The following CDH12 variants were observed in gnomAD, a reference collection of about 807,000 sequenced individuals.
CDH12 encodes cadherin 12.
Under a neutral mutation model 74.1 loss-of-function variants are expected in CDH12, and 41 were observed. That is an observed-to-expected ratio of 0.55 (90% confidence interval 0.43 to 0.72). The LOEUF is 0.72. CDH12 is among the 30% of genes least tolerant of loss of function. The pLI is 0.00. For missense variants in CDH12, 945 were observed against 977.2 expected (o/e 0.97, Z 0.44); for synonymous variants, 399 against 355.0 (o/e 1.12, Z -1.39).
intron 1 of CDH12, among the ~76,000 whole-genome samples, chr5:22,779,249 G>T (rs1747266494): frequency 6.6e-6 from 1 of 152,062 alleles, no homozygotes; most frequent in South Asian, 2.1e-4. Flanking sequence ...TGCAGAAATG[G>T]CTGCCTTCAA....
intron 3 of CDH12, among the ~76,000 whole-genome samples, chr5:22,223,658 C>A (rs1752091731): frequency 6.6e-6 from 1 of 151,948 alleles, no homozygotes; most frequent in South Asian, 2.1e-4. Context: ...GTAGGATTGG[C>A]CCACCTAAGC....
At chr5:22,207,633 G>T (rs1342463556) in intron 4 of CDH12, among the ~76,000 whole-genome samples, 4 of 152,196 alleles carry the variant, frequency 2.6e-5, no homozygotes, top group African/African-American at 4.8e-5. Context: ...AAAGAATTCA[G>T]TTGCTAATTT....
At position 22,142,489 on chromosome 5, in the gene CDH12, T is replaced by G. The variant is rs545949185; in HGVS notation, c.-186-63627A>C. ...GATCTGTAGCTTTTCCAGCTGAGAA[T>G]GGGGTTCAGGATACCGAATCAACAC... is the stretch of plus-strand genomic sequence containing the variant. On this transcript the variant is annotated intron_variant, in intron 4 of 14. Transcript: ENST00000382254. The G allele has an allele frequency of 9.0e-5, 57 of 630,372 alleles. No homozygotes were observed. In the East Asian group the frequency reaches 2.1e-3, roughly 23 times the overall value. The allele number at this position is 630,372 out of a possible 1,614,324, so 39.0% of individuals were successfully genotyped here.
At chr5:22,602,785 T>A in intron 1 of CDH12, among the ~76,000 whole-genome samples, 1 of 152,170 alleles carries the variant, frequency 6.6e-6, no homozygotes, top group Non-Finnish European at 1.5e-5. Context: ...CATTTTGTGA[T>A]GCCAGTTCCT....
intron 1 of CDH12, among the ~76,000 whole-genome samples, chr5:22,527,426 T>G (rs1032999374): frequency 6.6e-6 from 1 of 152,136 alleles, no homozygotes; most frequent in African/African-American, 2.4e-5. Flanking sequence ...AAGGAAGAAT[T>G]TAATAAGCTT....
intron 6 of CDH12, among the ~76,000 whole-genome samples, chr5:21,865,843 A>G (rs1204741205): frequency 6.6e-6 from 1 of 152,108 alleles, no homozygotes; most frequent in African/African-American, 2.4e-5. Context: ...TGCCCTATAC[A>G]TCTGTACGAA....
intron 1 of CDH12, among the ~76,000 whole-genome samples, chr5:22,547,883 T>C (rs1325231686): frequency 6.6e-6 from 1 of 152,166 alleles, no homozygotes. Flanking sequence ...TCGAGCACTA[T>C]TTCCGCCCAT....
At chr5:21,966,569 C>A (rs1042537594) in intron 6 of CDH12, among the ~76,000 whole-genome samples, 1 of 152,078 alleles carries the variant, frequency 6.6e-6, no homozygotes, top group African/African-American at 2.4e-5. Flanking sequence ...TAAAATAGTG[C>A]CTGTCACGTA....
At chr5:22,483,757 T>G (rs1165517067) in intron 2 of CDH12, among the ~76,000 whole-genome samples, 1 of 93,072 alleles carries the variant, frequency 1.1e-5, no homozygotes, top group Non-Finnish European at 2.2e-5. Context: ...ACTATATATA[T>G]ATATATAAAT....
intron 10 of CDH12, among the ~76,000 whole-genome samples, chr5:21,801,868 T>C (rs888281961): frequency 1.3e-5 from 2 of 152,200 alleles, no homozygotes; most frequent in Non-Finnish European, 2.9e-5. Flanking sequence ...TAAAAGGTTA[T>C]GTTATTAAAT....
chr5:22,729,265 C>G lies in CDH12; in HGVS notation c.-523+123793G>C, dbSNP rs562330813. Among the ~76,000 whole-genome samples, 3 of 151,866 alleles carry G rather than the reference C, an allele frequency of 2.0e-5. No individual in the cohort carries two copies. The South Asian group carries it at 6.2e-4, about 31-fold the overall frequency. On this transcript the variant is annotated intron_variant, in intron 1 of 14. Coordinates refer to ENST00000382254, the MANE Select transcript of CDH12 (RefSeq NM_004061.5). ...AGTTTCAGGATCCTTTCCAAATTCCCTGTTGAGGAAAGCTATTTCCTTCTT... is the reference window on the plus strand; with the variant it reads ...AGTTTCAGGATCCTTTCCAAATTCCGTGTTGAGGAAAGCTATTTCCTTCTT...
chr5:22,234,806 A>C (rs1448646810), intron 3 of CDH12, among the ~76,000 whole-genome samples: 1 of 152,024 alleles, frequency 6.6e-6, no homozygotes, highest in Non-Finnish European at 1.5e-5. Flanking sequence ...TGCCCATAAA[A>C]CACACAAATG....
chr5:22,757,534 C>T (rs1049977596), intron 1 of CDH12, among the ~76,000 whole-genome samples: 3 of 151,998 alleles, frequency 2.0e-5, no homozygotes, highest in African/African-American at 7.2e-5. Context: ...TGCCCATGCT[C>T]AGGTAAAAGT....
chr5:21,917,894 T>A (rs1254300418), intron 6 of CDH12, among the ~76,000 whole-genome samples: 1 of 152,246 alleles, frequency 6.6e-6, no homozygotes, highest in Non-Finnish European at 1.5e-5. Flanking sequence ...AACACTGCTT[T>A]ACTGCATATA....
chr5:21,915,822 C>CTGTGTGTG (rs36126825), intron 6 of CDH12, among the ~76,000 whole-genome samples: 1,835 of 140,104 alleles, frequency 0.013, 19 homozygotes, highest in Middle Eastern at 0.022. Flanking sequence ...ATCATTTGTG[C>CTGTGTGTG]TGTGTGTGTG....
intron 9 of CDH12, among the ~76,000 whole-genome samples, chr5:21,812,227 T>G (rs1446588400): frequency 1.3e-5 from 2 of 152,072 alleles, no homozygotes; most frequent in Admixed American, 6.6e-5. Flanking sequence ...GCTAAAAAAT[T>G]AAAATAACTG....
chr5:22,747,020 TCTC>T (rs1241341464), intron 1 of CDH12, among the ~76,000 whole-genome samples: 1 of 152,178 alleles, frequency 6.6e-6, no homozygotes, highest in African/African-American at 2.4e-5. Flanking sequence ...AACTTGAATT[TCTC>T]CTCTGTCTTC....
chr5:21,957,022 C>A lies in CDH12; in HGVS notation c.526+18069G>T, dbSNP rs994055439. ...ACAGATCATTTTGTCACCTAGGTACCAAGTACTCAACAATTATTTTTCCTG... is the reference window on the plus strand; with the variant it reads ...ACAGATCATTTTGTCACCTAGGTACAAAGTACTCAACAATTATTTTTCCTG... On this transcript the variant is annotated intron_variant, in intron 6 of 14. Coordinates refer to ENST00000382254, the MANE Select transcript of CDH12 (RefSeq NM_004061.5). Among the ~76,000 whole-genome samples the A allele has an allele frequency of 3.3e-5, 5 of 151,834 alleles. No individual in the cohort carries two copies. In the South Asian group the frequency reaches 1.0e-3, roughly 32 times the overall value.
At chr5:21,910,370 A>G (rs1481930842) in intron 6 of CDH12, among the ~76,000 whole-genome samples, 1 of 152,096 alleles carries the variant, frequency 6.6e-6, no homozygotes, top group Non-Finnish European at 1.5e-5. Context: ...CTCTGTTTTC[A>G]TGTGTGGTGC....
Sources: allele counts gnomAD v4.1 joint callset (sites outside exome capture counted in the v4.1 genomes callset), GRCh38; gene constraint gnomAD v4.1.1; transcripts MANE v1.5; gene names NCBI Gene and HGNC (gene_info 2026-07-23, HGNC 2026-07-21).